TIMM23: variants seen among roughly 807,000 people sequenced by gnomAD.
TIMM23 encodes mitochondrial import inner membrane translocase subunit Tim23.
Under a neutral mutation model 30.7 loss-of-function variants are expected in TIMM23, and 19 were observed. That is an observed-to-expected ratio of 0.62 (90% CI 0.43 to 0.91). The LOEUF (loss-of-function observed/expected upper bound fraction) is 0.91. Among genes scored for constraint, TIMM23 ranks in the 40% least tolerant of loss-of-function variants. The pLI, the probability that TIMM23 is intolerant of heterozygous loss-of-function variation, is 0.00. For synonymous variants in TIMM23, 78 were observed against 98.5 expected, an observed-to-expected ratio of 0.79 and a Z score of 1.23; for missense variants, 202 against 269.2, an observed-to-expected ratio of 0.75 and a Z score of 1.75.
chr10:45,983,632 C>T (rs1362135343), intron 4 of TIMM23, among the ~76,000 whole-genome samples: 1 of 152,158 alleles, frequency 6.6e-6, no homozygotes, highest in Non-Finnish European at 1.5e-5. Flanking sequence ...TCTTCGATGG[C>T]TACTGTTTTG....
At chr10:46,000,308 G>C (rs1489663812) in intron 6 of TIMM23, among the ~76,000 whole-genome samples, 1 of 152,206 alleles carries the variant, frequency 6.6e-6, no homozygotes, top group East Asian at 1.9e-4. Flanking sequence ...AAAAGTATTT[G>C]GGGAACTAAT....
chr10:45,983,998 C>G (rs1837927189), intron 4 of TIMM23, among the ~76,000 whole-genome samples: 1 of 152,194 alleles, frequency 6.6e-6, no homozygotes, highest in African/African-American at 2.4e-5. Flanking sequence ...CTTGCCTCAG[C>G]CTTCCAAACT....
intron 2 of TIMM23, among the ~76,000 whole-genome samples, chr10:45,982,128 T>C (rs1837869753): frequency 6.6e-6 from 1 of 152,238 alleles, no homozygotes. Context: ...CATTTGGCTT[T>C]ATACATAGAA....
At chr10:45,987,066 A>G (rs1466209841) in intron 5 of TIMM23, among the ~76,000 whole-genome samples, 10 of 152,202 alleles carry the variant, frequency 6.6e-5, no homozygotes, top group Admixed American at 5.2e-4. Flanking sequence ...ATAGTATTCC[A>G]TTATATGAAA....
At chr10:45,979,626 T>C (rs1837784975) in intron 2 of TIMM23, among the ~76,000 whole-genome samples, 1 of 149,206 alleles carries the variant, frequency 6.7e-6, no homozygotes, top group South Asian at 2.1e-4. Context: ...TTTTTTTTTT[T>C]TTTTTTTAAG....
At chr10:45,977,972 G>A (rs1398715034) in intron 2 of TIMM23, among the ~76,000 whole-genome samples, 6 of 151,910 alleles carry the variant, frequency 3.9e-5, no homozygotes, top group South Asian at 4.2e-4. Context: ...CAGAGGTTGC[G>A]GTGAGCCAAG....
intron 2 of TIMM23, among the ~76,000 whole-genome samples, chr10:45,980,288 A>G (rs2132250888): frequency 6.6e-6 from 1 of 150,940 alleles, no homozygotes; most frequent in African/African-American, 2.4e-5. Context: ...TAGTAGACAC[A>G]GGGTCTCACT....
At chr10:45,974,359 T>A (rs1455099575) in intron 1 of TIMM23, among the ~76,000 whole-genome samples, 1 of 152,158 alleles carries the variant, frequency 6.6e-6, no homozygotes, top group East Asian at 1.9e-4. Flanking sequence ...TCAAGGGAGT[T>A]GACATTTGAG....
chr10:45,982,475 T>G (rs1837877280), intron 2 of TIMM23, 48 bp from the exon 3 acceptor site: 2 of 1,590,532 alleles, frequency 1.3e-6, no homozygotes, highest in Non-Finnish European at 1.7e-6. Context: ...TTTACAAGAT[T>G]TGTGTCTTGA....
In TIMM23 at chr10:45,972,696, A is replaced by C. The variant is rs1488216457; in HGVS notation, c.72A>C (p.Ala24=). 3.0e-5 allele frequency: 49 copies of C among 1,613,882 alleles called. No individual in the cohort carries two copies. Among genetic ancestry groups the C allele is most frequent in the Non-Finnish European group, 3.9e-5 (46 of 1,179,876 alleles). Residue 24 remains alanine, a synonymous_variant, in exon 1 of 7, where the codon GCA becomes GCC. Transcript: ENST00000580018. ...CCGGCTTTTTCGGAGCCGGCGGAGC[A>C]GGTTACTCGCACGCGGATTTGGCTG... ...GLAGFFGAGG[A]GYSHADLAGV...
chr10:46,003,158 T>C lies in TIMM23; in HGVS notation c.515-45T>C, dbSNP rs376345171. ...TTAACCCTATCGTGCTAGGGCACTA[T>C]GCAATATACAGCTATTTCATTTTCC... On this transcript the variant is annotated intron_variant, in intron 6 of 6. Coordinates refer to ENST00000580018, the MANE Select transcript of TIMM23 (RefSeq NM_006327.4). 91 of 1,454,068 alleles carry C rather than the reference T, an allele frequency of 6.3e-5. No homozygotes were observed. The African/African-American group carries it at 1.2e-3, about 20-fold the overall frequency. The allele number at this position is 1,454,068 out of a possible 1,614,324, so 90.1% of individuals were successfully genotyped here.
intron 6 of TIMM23, among the ~76,000 whole-genome samples, chr10:45,997,215 A>G (rs1473408281): frequency 1.3e-5 from 2 of 152,076 alleles, no homozygotes; most frequent in Non-Finnish European, 2.9e-5. Flanking sequence ...CTGTCTCCAA[A>G]AAAGAAAAAT....
chr10:45,994,740 C>T (rs1838277153), intron 6 of TIMM23, among the ~76,000 whole-genome samples: 1 of 148,646 alleles, frequency 6.7e-6, no homozygotes, highest in Non-Finnish European at 1.5e-5. Flanking sequence ...CCGCGCCCGG[C>T]CCCCTCTTTT....
rs1183346320 is a variant in TIMM23, at chr10:45,994,208, G to A, written c.514+5361G>A. ...ACAAAAACCAGCCGGGCATGATAGC[G>A]GGTGCCTGTAATCCCAGCTACTTGG... On this transcript the variant is annotated intron_variant, in intron 6 of 6. Coordinates refer to ENST00000580018, the MANE Select transcript of TIMM23 (RefSeq NM_006327.4). Among the ~76,000 whole-genome samples, 12 of 151,992 alleles carry A rather than the reference G, an allele frequency of 7.9e-5. 1 individual carries two copies. The East Asian group carries it at 1.9e-3, about 25-fold the overall frequency.
chr10:45,983,522 T>TG lies in TIMM23; in HGVS notation c.344+592_344+593insG, dbSNP rs1474503808. ...TCGGAAAGTATGTTTTCACCCAACT[T>TG]AAGAAGTAAACATGGCCAGTCCCTC... On this transcript the variant is annotated intron_variant, in intron 4 of 6. Transcript: ENST00000580018. Among the ~76,000 whole-genome samples the TG allele has an allele frequency of 3.3e-5, 5 of 152,204 alleles. 1 individual carries two copies. The highest frequency in any genetic ancestry group is 3.3e-4 in the Admixed American group (5 of 15,284).
chr10:46,003,283 C>T lies in TIMM23; in HGVS notation c.595C>T (p.His199Tyr), dbSNP rs1838609872. The T allele has an allele frequency of 1.9e-6, 3 of 1,613,990 alleles. No homozygotes were observed. The South Asian group carries it at 3.3e-5, about 18-fold the overall frequency. Residue 199 changes from histidine (H) to tyrosine (Y), a missense_variant, in exon 7 of 7, where the codon CAC (histidine) becomes TAC (tyrosine). By Grantham distance (83) the His-to-Tyr change is moderately conservative (BLOSUM62 2). Transcript: ENST00000580018. ...CTATGCACTATATAATAACTGGGAG[C>T]ACATGAAAGGCTCCTTGCTCCAACA... ...SLYALYNNWE[H>Y]MKGSLLQQSL
intron 2 of TIMM23, among the ~76,000 whole-genome samples, chr10:45,979,664 A>G (rs1837787427): frequency 7.4e-6 from 1 of 134,742 alleles, no homozygotes; most frequent in South Asian, 2.3e-4. Flanking sequence ...TTTATTTCAC[A>G]GTTGAATCAC....
At chr10:46,001,029 G>T (rs1480638373) in intron 6 of TIMM23, among the ~76,000 whole-genome samples, 1 of 152,186 alleles carries the variant, frequency 6.6e-6, no homozygotes, top group Non-Finnish European at 1.5e-5. Flanking sequence ...GATACCTTTA[G>T]CATTTATTCT....
chr10:45,987,874 G>A (rs1184107762), intron 5 of TIMM23, among the ~76,000 whole-genome samples: 2 of 151,752 alleles, frequency 1.3e-5, no homozygotes, highest in Non-Finnish European at 2.9e-5. Context: ...TTCCCACCTC[G>A]GCCTCCCAAA....
Sources: gnomAD v4.1 joint callset for allele counts (sites outside exome capture counted in the v4.1 genomes callset) on GRCh38, gnomAD v4.1.1 for gene constraint, MANE v1.5 for transcripts, NCBI Gene and HGNC (gene_info 2026-07-23, HGNC 2026-07-21) for gene names.